RUNX2: variants seen among roughly 807,000 people sequenced by gnomAD.
RUNX2 encodes runt-related transcription factor 2.
In RUNX2, 10 loss-of-function variants were observed where a neutral mutation model predicts 51.7. The observed-to-expected ratio is 0.19, with a 90% CI of 0.12 to 0.33. The LOEUF (loss-of-function observed/expected upper bound fraction) is 0.33. RUNX2 is among the 10% of genes least tolerant of loss of function. RUNX2 has a pLI of 1.00. For missense variants in RUNX2, 562 were observed against 691.3 expected (o/e 0.81, Z 2.10); for synonymous variants, 276 against 273.6 (o/e 1.01, Z -0.09).
chr6:45,348,870 T>G (rs1479203241), intron 2 of RUNX2, among the ~76,000 whole-genome samples: 3 of 152,164 alleles, frequency 2.0e-5, no homozygotes, highest in Admixed American at 2.0e-4. Context: ...TTGAGAGGCT[T>G]TAGTTCCCCC....
rs151140611 is a variant in RUNX2 at position 45,346,210 on chromosome 6, CTT to C, written c.58+17427_58+17428del. On this transcript the variant is annotated intron_variant, in intron 2 of 8. Coordinates refer to ENST00000647337, the MANE Select transcript of RUNX2 (RefSeq NM_001024630.4). ...CTATGTGTGTAAGATTCTCACTCTA[CTT>C]ATGTATATATGTAAATATATATAAT... is the stretch of plus-strand genomic sequence containing the variant. 7.0e-3 allele frequency among the ~76,000 whole-genome samples: 1,061 copies of C among 152,184 alleles called. 18 individuals carry two copies. Among genetic ancestry groups the C allele is most frequent in the African/African-American group, 0.024 (1,010 of 41,496 alleles).
At chr6:45,343,526 A>T (rs556019347) in intron 2 of RUNX2, among the ~76,000 whole-genome samples, 6 of 152,200 alleles carry the variant, frequency 3.9e-5, no homozygotes, top group Non-Finnish European at 7.4e-5. Context: ...TACACCCCTC[A>T]GTTTACCCAC....
chr6:45,371,006 A>G (rs1397090031), intron 2 of RUNX2, among the ~76,000 whole-genome samples: 2 of 152,232 alleles, frequency 1.3e-5, no homozygotes, highest in African/African-American at 2.4e-5. Flanking sequence ...AATGGCACAT[A>G]GCACACTTAC....
chr6:45,481,523 A>G (rs1207972765), intron 5 of RUNX2, among the ~76,000 whole-genome samples: 1 of 152,230 alleles, frequency 6.6e-6, no homozygotes, highest in African/African-American at 2.4e-5. Context: ...GTAGACATAG[A>G]GAAAGAGTTT....
In RUNX2 at chr6:45,476,331, C is replaced by G. The variant is rs371297656; in HGVS notation, c.686-15610C>G. On this transcript the variant is annotated intron_variant, in intron 5 of 8. Coordinates refer to ENST00000647337, the MANE Select transcript of RUNX2 (RefSeq NM_001024630.4). ...ATACTGCCCCATGAGATTCAAGGAG[C>G]CTTTGGGGAGGAAGGACCTTGCTCA... is the stretch of plus-strand genomic sequence containing the variant. Among the ~76,000 whole-genome samples, 44 of 151,510 alleles carry G rather than the reference C, an allele frequency of 2.9e-4. 1 individual carries two copies. The highest frequency in any genetic ancestry group is 8.2e-4 in the African/African-American group (34 of 41,446).
rs546466948 is a variant in RUNX2 at position 45,549,295 on chromosome 6, C to A, written c.*1990C>A. The A allele has an allele frequency of 2.8e-5, 11 of 398,484 alleles. No homozygotes were observed. Among genetic ancestry groups the A allele is most frequent in the Non-Finnish European group, 4.9e-5 (11 of 226,060 alleles). The allele number at this position is 398,484 out of a possible 1,614,324, so 24.7% of individuals were successfully genotyped here. On this transcript the variant is annotated 3_prime_UTR_variant, in exon 9 of 9. Transcript: ENST00000647337. ...TTTGCCTTCAAACCCTAACGGCCCC[C>A]TTGTTCTCTGGTCCTTCTCAAACCC...
intron 2 of RUNX2, among the ~76,000 whole-genome samples, chr6:45,361,050 G>A (rs1271250934): frequency 6.6e-6 from 1 of 152,128 alleles, no homozygotes; most frequent in African/African-American, 2.4e-5. Context: ...GGGCAGGAGG[G>A]TCACTTGTGC....
chr6:45,464,086 A>G (rs995652437), intron 5 of RUNX2, among the ~76,000 whole-genome samples: 1 of 152,032 alleles, frequency 6.6e-6, no homozygotes, highest in African/African-American at 2.4e-5. Flanking sequence ...CCAGCTACTC[A>G]GGAGGCTGAG....
At chr6:45,541,577 A>G (rs1172151181) in intron 7 of RUNX2, among the ~76,000 whole-genome samples, 9 of 152,246 alleles carry the variant, frequency 5.9e-5, no homozygotes, top group Admixed American at 6.5e-5. Context: ...AAAGGCCCCA[A>G]TGAAGCTTTG....
intron 2 of RUNX2, among the ~76,000 whole-genome samples, chr6:45,384,706 CTTTTTTT>C (rs56307239): frequency 6.5e-5 from 4 of 61,210 alleles, no homozygotes; most frequent in South Asian, 6.9e-4. Context: ...ATTAGGGTGT[CTTTTTTT>C]TTTTTTTTTT....
intron 2 of RUNX2, among the ~76,000 whole-genome samples, chr6:45,392,349 A>AT (rs950770933): frequency 6.6e-5 from 10 of 152,070 alleles, no homozygotes; most frequent in African/African-American, 1.7e-4. Context: ...TCTACAAAAA[A>AT]ATATATAAAA....
At chr6:45,440,285 A>G (rs1448734356) in intron 5 of RUNX2, among the ~76,000 whole-genome samples, 1 of 152,234 alleles carries the variant, frequency 6.6e-6, no homozygotes, top group African/African-American at 2.4e-5. Flanking sequence ...CATCCTGGGC[A>G]TTGAATATTT....
chr6:45,454,669 G>A (rs956398144), intron 5 of RUNX2, among the ~76,000 whole-genome samples: 1 of 152,142 alleles, frequency 6.6e-6, no homozygotes, highest in African/African-American at 2.4e-5. Flanking sequence ...TATGTATGTA[G>A]GTATTTATCT....
chr6:45,518,503 T>C (rs1801401041), intron 7 of RUNX2, among the ~76,000 whole-genome samples: 1 of 152,214 alleles, frequency 6.6e-6, no homozygotes, highest in South Asian at 2.1e-4. Context: ...TTTTCATTCC[T>C]ACTAGATCAG....
At chr6:45,467,202 C>T (rs1056867334) in intron 5 of RUNX2, among the ~76,000 whole-genome samples, 2 of 152,180 alleles carry the variant, frequency 1.3e-5, no homozygotes, top group African/African-American at 4.8e-5. Context: ...TCCTTGGTCT[C>T]TTCCATATCA....
chr6:45,522,405 A>T (rs1380496140), intron 7 of RUNX2, among the ~76,000 whole-genome samples: 2 of 152,228 alleles, frequency 1.3e-5, no homozygotes, highest in African/African-American at 4.8e-5. Flanking sequence ...CACATCCGTA[A>T]CCAACTTAAA....
chr6:45,463,573 T>TA (rs1290726690), intron 5 of RUNX2, among the ~76,000 whole-genome samples: 4 of 152,220 alleles, frequency 2.6e-5, no homozygotes, highest in African/African-American at 9.7e-5. Context: ...TCAGTGTAAG[T>TA]ATGATAATGT....
chr6:45,502,269 A>G (rs1354907421), intron 6 of RUNX2, among the ~76,000 whole-genome samples: 1 of 152,128 alleles, frequency 6.6e-6, no homozygotes, highest in Non-Finnish European at 1.5e-5. Context: ...ATTTCCTCTT[A>G]TGCACGTTTG....
chr6:45,412,797 T>C lies in RUNX2; in HGVS notation c.59-9796T>C, dbSNP rs1384989353. On this transcript the variant is annotated intron_variant, in intron 2 of 8. Transcript: ENST00000647337. The stretch of plus-strand genomic sequence containing the variant: ...TCTCGCTCTGTCATCCAGGCTGTAG[T>C]GCAGTGGCACAATCTCGGCTTACTG... Among the ~76,000 whole-genome samples, 3 of 152,316 alleles carry C rather than the reference T, an allele frequency of 2.0e-5. No individual in the cohort carries two copies. In the East Asian group the frequency reaches 5.8e-4, roughly 29 times the overall value.
Sources: gnomAD v4.1 joint callset for allele counts (sites outside exome capture counted in the v4.1 genomes callset) on GRCh38, gnomAD v4.1.1 for gene constraint, MANE v1.5 for transcripts, NCBI Gene and HGNC (gene_info 2026-07-23, HGNC 2026-07-21) for gene names.